Variants in RAPGEF4 observed in about 807,000 individuals in gnomAD.
RAPGEF4 encodes RAP guanine-nucleotide-exchange factor (GEF) 4.
A neutral mutation model predicts 147.9 loss-of-function variants in RAPGEF4; 66 were observed. The observed-to-expected ratio is 0.45, with a 90% CI of 0.37 to 0.55. The LOEUF is 0.55. Ranked by LOEUF, RAPGEF4 falls within the 20% of genes least tolerant of loss-of-function variation. The pLI is 0.00. For missense variants in RAPGEF4, 1,071 were observed against 1,257.3 expected (o/e 0.85, Z 2.24); for synonymous variants, 419 against 442.7 (o/e 0.95, Z 0.67).
chr2:172,900,984 T>C (rs1699005109), intron 4 of RAPGEF4, among the ~76,000 whole-genome samples: 1 of 152,100 alleles, frequency 6.6e-6, no homozygotes. Flanking sequence ...ATATATTACA[T>C]GGGAGCTTTT....
intron 10 of RAPGEF4, among the ~76,000 whole-genome samples, chr2:172,972,468 C>T (rs955860920): frequency 2.6e-5 from 4 of 152,124 alleles, no homozygotes; most frequent in Non-Finnish European, 4.4e-5. Context: ...AAAGCACGAC[C>T]GAAAGAACCT....
intron 4 of RAPGEF4, among the ~76,000 whole-genome samples, chr2:172,826,385 T>C (rs1240267072): frequency 1.3e-5 from 2 of 152,262 alleles, no homozygotes; most frequent in East Asian, 3.8e-4. Flanking sequence ...TTTTCATTTT[T>C]AGGCCTTTGC....
chr2:172,752,164 C>G (rs1193997508), intron 1 of RAPGEF4, among the ~76,000 whole-genome samples: 1 of 42,554 alleles, frequency 2.3e-5, no homozygotes, highest in Non-Finnish European at 7.3e-5. Flanking sequence ...CATTCCCATC[C>G]TACCCATGGA....
intron 17 of RAPGEF4, among the ~76,000 whole-genome samples, chr2:173,013,343 A>G (rs1463874643): frequency 1.3e-5 from 2 of 152,158 alleles, no homozygotes; most frequent in Non-Finnish European, 2.9e-5. Flanking sequence ...TTGCATTCGC[A>G]ACCTCTGCAC....
At chr2:172,990,411 AG>A (rs1253854343) in intron 14 of RAPGEF4, among the ~76,000 whole-genome samples, 7 of 152,346 alleles carry the variant, frequency 4.6e-5, no homozygotes, top group Admixed American at 1.3e-4. Flanking sequence ...TAAAGAGAAA[AG>A]GTGCCCCACT....
chr2:172,818,067 A>G (rs1688688577), intron 4 of RAPGEF4, among the ~76,000 whole-genome samples: 2 of 151,588 alleles, frequency 1.3e-5, no homozygotes, highest in African/African-American at 4.8e-5. Context: ...CCATTATCCT[A>G]AGTGAAGTAA....
chr2:172,761,999 G>C (rs745837113), intron 1 of RAPGEF4, among the ~76,000 whole-genome samples: 4 of 152,130 alleles, frequency 2.6e-5, no homozygotes, highest in Non-Finnish European at 5.9e-5. Context: ...ACGAGCACCT[G>C]TAATCCAAGC....
intron 16 of RAPGEF4, among the ~76,000 whole-genome samples, chr2:172,996,884 C>T (rs1289332547): frequency 1.3e-5 from 2 of 152,150 alleles, no homozygotes; most frequent in Admixed American, 6.5e-5. Flanking sequence ...CCTATTCCCA[C>T]GAAGGATTTG....
chr2:172,748,023 T>G (rs1694932828), intron 1 of RAPGEF4, among the ~76,000 whole-genome samples: 1 of 152,258 alleles, frequency 6.6e-6, no homozygotes. Flanking sequence ...TGGAATAATA[T>G]AATAATATTC....
chr2:173,004,477 A>G (rs1410309954), intron 17 of RAPGEF4, among the ~76,000 whole-genome samples: 1 of 152,116 alleles, frequency 6.6e-6, no homozygotes, highest in African/African-American at 2.4e-5. Flanking sequence ...TACTATTGCT[A>G]ACCATTTTGT....
chr2:173,051,570 G>A, intron 30 of RAPGEF4, 70 bp from the exon 31 acceptor site: 1 of 1,470,030 alleles, frequency 6.8e-7, no homozygotes, highest in Non-Finnish European at 9.2e-7. Flanking sequence ...ATAAATAATT[G>A]GAGAAGTAAG....
chr2:172,771,380 C>G (rs569888216), intron 1 of RAPGEF4, among the ~76,000 whole-genome samples: 2 of 150,418 alleles, frequency 1.3e-5, no homozygotes, highest in East Asian at 2.0e-4. Flanking sequence ...AATTTGGGGG[C>G]GGGGATACAA....
chr2:172,958,963 TTA>T (rs1451985284), intron 6 of RAPGEF4, among the ~76,000 whole-genome samples: 3 of 152,362 alleles, frequency 2.0e-5, no homozygotes, highest in African/African-American at 7.2e-5. Flanking sequence ...ACATACAATA[TTA>T]TATATTGGCC....
intron 3 of RAPGEF4, among the ~76,000 whole-genome samples, chr2:172,813,100 C>A (rs530919725): frequency 2.2e-4 from 34 of 152,258 alleles, no homozygotes; most frequent in African/African-American, 7.5e-4. Flanking sequence ...TGTGCAGAAG[C>A]AATTTGCTAT....
rs1005190762 is a variant in RAPGEF4, at chr2:173,020,706, C to G, written c.2244C>G (p.Phe748Leu). ...TGTTTGCTTGCCCGCGAGAGCAATT[C>G]GATTCACTGGTAGGTGTGGATGGCC... ...GRLFACPREQ[F>L]DSLTPLPEQE... is the part of the protein sequence containing the mutation. Residue 748 changes from phenylalanine to leucine, a missense_variant, in exon 23 of 31, where the codon TTC becomes TTG. Coordinates refer to ENST00000397081, the MANE Select transcript of RAPGEF4 (RefSeq NM_007023.4). 1.2e-6 allele frequency: 2 copies of G among 1,612,908 alleles called. No homozygotes were observed. Among genetic ancestry groups the G allele is most frequent in the East Asian group, 4.5e-5 (2 of 44,850 alleles).
At chr2:172,975,875 A>G (rs1296861179) in intron 10 of RAPGEF4, among the ~76,000 whole-genome samples, 2 of 152,216 alleles carry the variant, frequency 1.3e-5, no homozygotes, top group East Asian at 3.9e-4. Flanking sequence ...ACCTTTTAAA[A>G]GATTTAATGT....
rs529341671 is a variant in RAPGEF4 at position 173,050,988 on chromosome 2, G to A, written c.2909-652G>A. On this transcript the variant is annotated intron_variant, in intron 30 of 30. Coordinates refer to ENST00000397081, the MANE Select transcript of RAPGEF4 (RefSeq NM_007023.4). ...TTAACCTCAGTTGCTCACATGCTTG[G>A]GATGTGCATCAGAATAGAATGGTAG... Among the ~76,000 whole-genome samples, 5 of 152,254 alleles carry A rather than the reference G, an allele frequency of 3.3e-5. No homozygotes were observed. In the South Asian group the frequency reaches 1.0e-3, roughly 32 times the overall value.
At chr2:173,027,303 G>C (rs1696758037) in intron 25 of RAPGEF4, 44 bp downstream of exon 25, 1 of 1,480,000 alleles carries the variant, frequency 6.8e-7, no homozygotes, top group African/African-American at 1.4e-5. Context: ...ATGTTGAGCT[G>C]TGTTTTCATT....
intron 4 of RAPGEF4, among the ~76,000 whole-genome samples, chr2:172,907,519 A>T (rs1029893753): frequency 2.0e-5 from 3 of 152,204 alleles, no homozygotes; most frequent in Non-Finnish European, 4.4e-5. Context: ...TCGTTTCTCC[A>T]TCACTTTGGA....
Sources: allele counts gnomAD v4.1 joint callset (sites outside exome capture counted in the v4.1 genomes callset), GRCh38; gene constraint gnomAD v4.1.1; transcripts MANE v1.5; gene names NCBI Gene and HGNC (gene_info 2026-07-23, HGNC 2026-07-21).